SNRPN: variants seen among roughly 807,000 people sequenced by gnomAD.
The protein encoded by SNRPN is small nuclear ribonucleoprotein polypeptide N, also known as small nuclear ribonucleoprotein-associated protein N.
In SNRPN, 7 loss-of-function variants were observed where a neutral mutation model predicts 25.2. The ratio of observed to expected loss-of-function variants is 0.28; its 90% CI spans 0.16 to 0.52. SNRPN has a LOEUF of 0.52. Among genes scored for constraint, SNRPN ranks in the 20% least tolerant of loss-of-function variants. The pLI is 0.96. For missense variants in SNRPN, 196 were observed against 322.5 expected, an observed-to-expected ratio of 0.61 and a Z score of 3.00; for synonymous variants, 124 against 110.6, an observed-to-expected ratio of 1.12 and a Z score of -0.76.
intron 4 of SNRPN, chr15:24,974,665 G>T: frequency 1.6e-6 from 1 of 634,964 alleles, no homozygotes; most frequent in Non-Finnish European, 2.8e-6. Flanking sequence ...CTGTCTCCCA[G>T]TCTGGAGTGC....
At chr15:24,931,410 G>A (rs2060844438) in intron 3 of SNRPN, among the ~76,000 whole-genome samples, 1 of 152,178 alleles carries the variant, frequency 6.6e-6, no homozygotes, top group Non-Finnish European at 1.5e-5. Flanking sequence ...ACTTTGGTGT[G>A]TACAGAGGTG....
intron 1 of SNRPN, among the ~76,000 whole-genome samples, chr15:24,829,457 A>G (rs2050345672): frequency 6.6e-6 from 1 of 152,076 alleles, no homozygotes; most frequent in Non-Finnish European, 1.5e-5. Context: ...GTGGGTTGGA[A>G]GGACCACTGG....
intron 2 of SNRPN, among the ~76,000 whole-genome samples, chr15:24,913,986 C>A (rs1587323): frequency 0.89 from 134,844 of 152,216 alleles, 59,998 homozygotes; most frequent in East Asian, 1. Context: ...AATTCAGTTA[C>A]TAAGCATGTT....
intron 1 of SNRPN, among the ~76,000 whole-genome samples, chr15:24,882,980 T>A (rs1294165440): frequency 6.6e-6 from 1 of 152,062 alleles, no homozygotes; most frequent in Non-Finnish European, 1.5e-5. Context: ...CAAAGTCTAT[T>A]TTATAATAAA....
intron 1 of SNRPN, among the ~76,000 whole-genome samples, chr15:24,867,192 G>A (rs2054644808): frequency 6.6e-6 from 1 of 151,966 alleles, no homozygotes; most frequent in Non-Finnish European, 1.5e-5. Context: ...TTAATTTTTT[G>A]AGGGGCCTCT....
At chr15:24,966,802 C>A (rs982331223) in intron 2 of SNRPN, among the ~76,000 whole-genome samples, 3 of 152,090 alleles carry the variant, frequency 2.0e-5, no homozygotes, top group African/African-American at 7.2e-5. Flanking sequence ...TTTCCAAATC[C>A]TTACATGCCA....
intron 2 of SNRPN, among the ~76,000 whole-genome samples, chr15:24,917,095 G>C (rs574486443): frequency 2.6e-5 from 4 of 152,200 alleles, no homozygotes; most frequent in Non-Finnish European, 5.9e-5. Context: ...ACAGAGCATC[G>C]ATTGGTGCAT....
intron 1 of SNRPN, among the ~76,000 whole-genome samples, chr15:24,868,614 T>C (rs892312376): frequency 3.9e-5 from 6 of 152,164 alleles, no homozygotes; most frequent in African/African-American, 1.4e-4. Flanking sequence ...TGGGTGCCAA[T>C]CTAGGGTCTG....
At chr15:24,950,770 A>G (rs1596106680), upstream of SNRPN, among the ~76,000 whole-genome samples, 1 of 148,808 alleles carries the variant, frequency 6.7e-6, no homozygotes, top group South Asian at 2.1e-4. Context: ...CTGGTCTCGA[A>G]CTCCTGGATT....
chr15:24,925,557 C>A (rs1298058944), intron 3 of SNRPN, among the ~76,000 whole-genome samples: 2 of 152,094 alleles, frequency 1.3e-5, no homozygotes, highest in African/African-American at 4.8e-5. Flanking sequence ...ATGAAGCTTT[C>A]AAAACTGCTT....
chr15:24,835,091 T>A lies in SNRPN; in HGVS notation c.-579+5186T>A, dbSNP rs1261626927. Reference sequence around the variant, plus strand: ...ATAGTATATATATCTATATATAAAATATATAGATATATATACTATATATCT... The same window carrying A: ...ATAGTATATATATCTATATATAAAAAATATAGATATATATACTATATATCT... On this transcript the variant is annotated intron_variant, in intron 2 of 12. Transcript: ENST00000400100. Among the ~76,000 whole-genome samples, 18 of 15,400 alleles carry A rather than the reference T, an allele frequency of 1.2e-3. 7 individuals are homozygous for A. Among genetic ancestry groups the A allele is most frequent in the Admixed American group, 3.2e-3 (2 of 622 alleles). The allele number at this position is 15,400 out of a possible 152,430, so 10.1% of individuals were successfully genotyped here.
At chr15:24,973,538 C>T (rs2076704509) in intron 3 of SNRPN, among the ~76,000 whole-genome samples, 1 of 152,088 alleles carries the variant, frequency 6.6e-6, no homozygotes, top group Admixed American at 6.6e-5. Flanking sequence ...GCTGGGATTA[C>T]AGGCACCCAC....
intron 3 of SNRPN, among the ~76,000 whole-genome samples, chr15:24,928,877 G>A (rs1027098898): frequency 1.3e-5 from 2 of 152,090 alleles, no homozygotes; most frequent in Non-Finnish European, 2.9e-5. Context: ...CAAAGTGCTA[G>A]GATTACAGGT....
intron 2 of SNRPN, among the ~76,000 whole-genome samples, chr15:24,910,200 G>C (rs2059122755): frequency 6.6e-6 from 1 of 152,204 alleles, no homozygotes; most frequent in Non-Finnish European, 1.5e-5. Context: ...TAGAATGTAA[G>C]AGCGATGAAC....
chr15:24,922,594 C>T (rs752526986), intron 3 of SNRPN, among the ~76,000 whole-genome samples: 6 of 152,082 alleles, frequency 3.9e-5, no homozygotes, highest in African/African-American at 4.8e-5. Flanking sequence ...TTTTATTCCT[C>T]GTGATTACAT....
chr15:24,853,201 T>C (rs2145958498), upstream of SNRPN, among the ~76,000 whole-genome samples: 1 of 152,300 alleles, frequency 6.6e-6, no homozygotes, highest in Admixed American at 6.5e-5. Flanking sequence ...TGTTAAACAT[T>C]ATCATTCACT....
At chr15:24,906,758 G>A (rs1185266737) in intron 2 of SNRPN, among the ~76,000 whole-genome samples, 1 of 152,182 alleles carries the variant, frequency 6.6e-6, no homozygotes, top group Non-Finnish European at 1.5e-5. Flanking sequence ...ATTATCAGAG[G>A]TCATTCTTAC....
At chr15:24,934,847 G>A (rs939654191) in intron 3 of SNRPN, among the ~76,000 whole-genome samples, 7 of 152,186 alleles carry the variant, frequency 4.6e-5, no homozygotes, top group Non-Finnish European at 8.8e-5. Context: ...ATGAGCCACC[G>A]TGCTTGGCTG....
At position 24,907,083 on chromosome 15, in the gene SNRPN, G is replaced by A. The variant is rs548205196; in HGVS notation, c.-504-12928G>A. 2.6e-5 allele frequency among the ~76,000 whole-genome samples: 4 copies of A among 152,222 alleles called. No homozygotes were observed. In the South Asian group the frequency reaches 8.3e-4, roughly 32 times the overall value. ...GTGGACAGAGTTGGCAAAGCATATC[G>A]TAAGCAGGGATTTGAGAAGAGGGGA... On this transcript the variant is annotated intron_variant, in intron 2 of 11. Transcript: ENST00000400097.
Sources: allele counts gnomAD v4.1 joint callset (sites outside exome capture counted in the v4.1 genomes callset), GRCh38; gene constraint gnomAD v4.1.1; transcripts MANE v1.5; gene names NCBI Gene and HGNC (gene_info 2026-07-23, HGNC 2026-07-21).